The following SDK1 variants were observed in gnomAD, a reference collection of about 807,000 sequenced individuals.
SDK1 encodes protein sidekick-1.
In SDK1, 157 loss-of-function variants were observed where a neutral mutation model predicts 245.5. The ratio of observed to expected loss-of-function variants is 0.64; its 90% CI spans 0.56 to 0.73. The LOEUF is 0.73. SDK1 is among the 30% of genes least tolerant of loss of function. SDK1 has a pLI of 0.00. For synonymous variants in SDK1, 1,647 were observed against 1,278.5 expected (o/e 1.29, Z -6.15); for missense variants, 3,583 against 3,002.3 (o/e 1.19, Z -4.52).
intron 4 of SDK1, among the ~76,000 whole-genome samples, chr7:3,674,058 A>G (rs1374705933): frequency 2.6e-5 from 4 of 152,206 alleles, no homozygotes; most frequent in Admixed American, 2.0e-4. Context: ...CCATTAAGGC[A>G]TAGAAGAGAG....
At chr7:3,450,773 G>C (rs1027112524) in intron 1 of SDK1, among the ~76,000 whole-genome samples, 11 of 152,108 alleles carry the variant, frequency 7.2e-5, no homozygotes, top group Non-Finnish European at 1.2e-4. Context: ...AGTCATGGGA[G>C]TATATGAAAT....
chr7:3,378,663 C>T (rs1583769501), intron 1 of SDK1, among the ~76,000 whole-genome samples: 1 of 152,024 alleles, frequency 6.6e-6, no homozygotes, highest in African/African-American at 2.4e-5. Context: ...CTTGGTGTTT[C>T]TTGTATTTCT....
At chr7:3,307,065 T>C (rs1779434007) in intron 1 of SDK1, among the ~76,000 whole-genome samples, 1 of 152,174 alleles carries the variant, frequency 6.6e-6, no homozygotes, top group African/African-American at 2.4e-5. Context: ...AAGGTTTATT[T>C]ACAAAAGAAA....
At position 4,160,990 on chromosome 7, in the gene SDK1, C is replaced by T. The variant is rs193024379; in HGVS notation, c.4730-796C>T. 1.9e-3 allele frequency among the ~76,000 whole-genome samples: 295 copies of T among 152,310 alleles called. 1 individual carries two copies. Among genetic ancestry groups the T allele is most frequent in the Non-Finnish European group, 2.7e-3 (181 of 68,026 alleles). ...GCCTGTGGGAAGAACATCGTCATTC[C>T]GTTCAGTGAATATGGACTGGATACA... is the stretch of plus-strand genomic sequence containing the variant. On this transcript the variant is annotated intron_variant, in intron 31 of 44. Transcript: ENST00000404826.
At chr7:4,078,911 C>T (rs138750203) in intron 21 of SDK1, among the ~76,000 whole-genome samples, 89 of 152,300 alleles carry the variant, frequency 5.8e-4, no homozygotes, top group African/African-American at 1.9e-3. Context: ...GTCTTGGAAA[C>T]GAAATCCAAG....
At position 3,589,458 on chromosome 7, in the gene SDK1, T is replaced by A. The variant is rs547382020; in HGVS notation, c.299-29622T>A. Among the ~76,000 whole-genome samples, 51 of 152,346 alleles carry A rather than the reference T, an allele frequency of 3.3e-4. 1 individual carries two copies. The South Asian group carries it at 0.01, about 30-fold the overall frequency. The stretch of plus-strand genomic sequence containing the variant: ...CTCCCCATGTCTTTTAGGTTTTGCG[T>A]ATATTACTATTGGCTGCTGTGAGCA... On this transcript the variant is annotated intron_variant, in intron 1 of 44. Transcript: ENST00000404826.
intron 1 of SDK1, among the ~76,000 whole-genome samples, chr7:3,522,120 C>A (rs1782958392): frequency 7.0e-6 from 1 of 142,766 alleles, no homozygotes; most frequent in Non-Finnish European, 1.5e-5. Flanking sequence ...CTCCTTCATT[C>A]ACCTTACTAT....
intron 5 of SDK1, among the ~76,000 whole-genome samples, chr7:3,889,166 C>T (rs1225035691): frequency 1.3e-5 from 2 of 152,364 alleles, no homozygotes; most frequent in East Asian, 3.9e-4. Context: ...ATCAATGCCT[C>T]TGAGATTCAA....
chr7:3,494,108 C>G (rs1781949301), intron 1 of SDK1, among the ~76,000 whole-genome samples: 1 of 152,118 alleles, frequency 6.6e-6, no homozygotes, highest in African/African-American at 2.4e-5. Context: ...TTCCAAGAAC[C>G]TAGAGGAAAG....
chr7:3,928,927 G>T (rs1779875127), intron 5 of SDK1, among the ~76,000 whole-genome samples: 1 of 152,216 alleles, frequency 6.6e-6, no homozygotes, highest in Admixed American at 6.5e-5. Flanking sequence ...CTGTCACTCG[G>T]CTGAACTGCA....
intron 1 of SDK1, among the ~76,000 whole-genome samples, chr7:3,547,895 G>A (rs1779280894): frequency 6.6e-6 from 1 of 152,178 alleles, no homozygotes; most frequent in Non-Finnish European, 1.5e-5. Context: ...AATCTTCCCT[G>A]ACCATGCTGT....
intron 2 of SDK1, among the ~76,000 whole-genome samples, chr7:3,627,067 A>G (rs1394111139): frequency 6.6e-6 from 1 of 152,054 alleles, no homozygotes; most frequent in African/African-American, 2.4e-5. Context: ...AGCTAGGGGT[A>G]CAGGCACACA....
At chr7:3,359,365 T>A (rs1179899618) in intron 1 of SDK1, among the ~76,000 whole-genome samples, 2 of 152,200 alleles carry the variant, frequency 1.3e-5, no homozygotes, top group Admixed American at 6.5e-5. Flanking sequence ...ATTGCCTTTT[T>A]GTCTAAGGTT....
At position 4,237,712 on chromosome 7, in the gene SDK1, A is replaced by G; in HGVS notation, c.6058A>G (p.Ile2020Val). 1 of 1,614,104 alleles carries G rather than the reference A, an allele frequency of 6.2e-7. No individual in the cohort carries two copies. Reference protein sequence around the residue: ...FLLVMALSSLIVILLVVFALV... With the variant: ...FLLVMALSSLVVILLVVFALV... ...CCTGGTGATGGCTCTGTCCAGCCTG[A>G]TCGTCATCCTGCTGGTGGTGTTCGC... is the stretch of plus-strand genomic sequence containing the variant. Residue 2020 changes from isoleucine (I) to valine (V), a missense_variant, in exon 42 of 45, where the codon ATC (isoleucine) becomes GTC (valine). Physicochemically the swap from Ile to Val is conservative, Grantham distance 29 (BLOSUM62 3). Coordinates refer to ENST00000404826, the MANE Select transcript of SDK1 (RefSeq NM_152744.4).
chr7:4,192,925 C>A (rs115866240), intron 35 of SDK1, among the ~76,000 whole-genome samples: 2 of 150,608 alleles, frequency 1.3e-5, no homozygotes, highest in African/African-American at 4.9e-5. Flanking sequence ...ATACTTTTAC[C>A]ATATATCCCT....
chr7:3,962,002 TAC>T (rs200401147), intron 8 of SDK1, among the ~76,000 whole-genome samples: 36 of 151,394 alleles, frequency 2.4e-4, no homozygotes, highest in African/African-American at 6.6e-4. Context: ...CACACACACA[TAC>T]ACACATGTAA....
At chr7:4,083,776 TTCCTCCCTCCTTTCCTCTCTC>T (rs1781250005) in intron 22 of SDK1, among the ~76,000 whole-genome samples, 1 of 33,176 alleles carries the variant, frequency 3.0e-5, no homozygotes, top group Non-Finnish European at 6.2e-5. Flanking sequence ...CCTCCCTTCT[TTCCTCCCTCCTTTCCTCTCTC>T]CCTCCCTTCC....
At chr7:3,456,718 G>A (rs572017465) in intron 1 of SDK1, among the ~76,000 whole-genome samples, 1 of 152,132 alleles carries the variant, frequency 6.6e-6, no homozygotes, top group South Asian at 2.1e-4. Flanking sequence ...TCAGCTGCTA[G>A]CTTTTTCTCA....
At chr7:3,858,699 A>G (rs1780609035) in intron 5 of SDK1, among the ~76,000 whole-genome samples, 1 of 151,856 alleles carries the variant, frequency 6.6e-6, no homozygotes, top group South Asian at 2.1e-4. Flanking sequence ...AAAAGTAAGC[A>G]AAAAACGAAG....
Sources: allele counts gnomAD v4.1 joint callset (sites outside exome capture counted in the v4.1 genomes callset), GRCh38; gene constraint gnomAD v4.1.1; transcripts MANE v1.5; gene names NCBI Gene and HGNC (gene_info 2026-07-23, HGNC 2026-07-21).